Variants in SGCZ observed in about 807,000 individuals in gnomAD.
The protein encoded by SGCZ is zeta-sarcoglycan.
In SGCZ, 40 loss-of-function variants were observed where a neutral mutation model predicts 41.3. That is an observed-to-expected ratio of 0.97 (90% confidence interval 0.75 to 1.26). SGCZ has a LOEUF of 1.26. SGCZ is among the 50% of genes most tolerant of loss of function. The probability of loss-of-function intolerance (pLI) is 0.00; values close to 1 mark genes in which losing one functional copy is unlikely to be tolerated. For synonymous variants in SGCZ, 206 were observed against 137.5 expected, an observed-to-expected ratio of 1.50 and a Z score of -3.49; for missense variants, 552 against 369.8, an observed-to-expected ratio of 1.49 and a Z score of -4.04.
At chr8:15,148,037 T>C (rs1799082925) in intron 1 of SGCZ, among the ~76,000 whole-genome samples, 1 of 147,604 alleles carries the variant, frequency 6.8e-6, no homozygotes, top group Non-Finnish European at 1.5e-5. Context: ...TTCTCTCTTT[T>C]CATTCTCAGA....
At position 15,012,566 on chromosome 8, in the gene SGCZ, T is replaced by C. The variant is rs1404128599; in HGVS notation, c.39+225019A>G. ...AATATGAATATTTATATATAACATA[T>C]AAATATATATTTATATAACATATAA... On this transcript the variant is annotated intron_variant, in intron 1 of 7. Transcript: ENST00000382080. Among the ~76,000 whole-genome samples, 46 of 119,204 alleles carry C rather than the reference T, an allele frequency of 3.9e-4. 2 individuals carry two copies. In the Admixed American group the frequency reaches 4.8e-3, roughly 12 times the overall value. The allele number at this position is 119,204 out of a possible 152,430, so 78.2% of individuals were successfully genotyped here.
chr8:14,852,071 G>C (rs1385514475), intron 1 of SGCZ, among the ~76,000 whole-genome samples: 1 of 151,934 alleles, frequency 6.6e-6, no homozygotes, highest in African/African-American at 2.4e-5. Flanking sequence ...CATTTTTTAA[G>C]TTAGTACACT....
chr8:14,110,587 G>A lies in SGCZ; in HGVS notation c.548-2352C>T, dbSNP rs529887058. ...GGCGAAATTTTAAACTAAATAATAC[G>A]AGTGATTAACAAAATGCAGGCCTCT... On this transcript the variant is annotated intron_variant, in intron 5 of 7. Transcript: ENST00000382080. Among the ~76,000 whole-genome samples, 126 of 152,130 alleles carry A rather than the reference G, an allele frequency of 8.3e-4. 3 individuals are homozygous for A. In the South Asian group the frequency reaches 0.022, roughly 27 times the overall value.
chr8:14,915,699 A>T (rs1375868093), intron 1 of SGCZ, among the ~76,000 whole-genome samples: 1 of 152,122 alleles, frequency 6.6e-6, no homozygotes, highest in African/African-American at 2.4e-5. Flanking sequence ...CCTTCGTAGT[A>T]AATCAAACAC....
At chr8:15,159,731 G>GC (rs1177293742) in intron 1 of SGCZ, among the ~76,000 whole-genome samples, 23 of 8,180 alleles carry the variant, frequency 2.8e-3, no homozygotes, top group South Asian at 0.02. Flanking sequence ...CCTCGCCCCC[G>GC]CCCCCCCCAC....
At chr8:14,551,446 A>ATATATATATAATATATAT (rs1803806420) in intron 2 of SGCZ, among the ~76,000 whole-genome samples, 1 of 23,848 alleles carries the variant, frequency 4.2e-5, no homozygotes, top group African/African-American at 1.4e-4. Flanking sequence ...CAACTATTTC[A>ATATATATATAATATATAT]TATATATATT....
At chr8:14,351,807 T>C (rs759655498) in intron 2 of SGCZ, among the ~76,000 whole-genome samples, 1 of 152,092 alleles carries the variant, frequency 6.6e-6, no homozygotes, top group East Asian at 1.9e-4. Context: ...ATGGGTCTCT[T>C]TTCAGCTTTT....
chr8:14,748,220 G>C (rs1473659711), intron 1 of SGCZ, among the ~76,000 whole-genome samples: 1 of 152,022 alleles, frequency 6.6e-6, no homozygotes, highest in Admixed American at 6.6e-5. Flanking sequence ...ACAACGTTTT[G>C]AGATAGTACT....
intron 1 of SGCZ, among the ~76,000 whole-genome samples, chr8:14,806,446 C>T (rs1393256323): frequency 2.0e-5 from 3 of 151,620 alleles, no homozygotes; most frequent in East Asian, 2.0e-4. Flanking sequence ...GAGAATACTA[C>T]AAACACCTCT....
intron 4 of SGCZ, among the ~76,000 whole-genome samples, chr8:14,196,110 C>T (rs1007920583): frequency 6.6e-6 from 1 of 151,938 alleles, no homozygotes; most frequent in Non-Finnish European, 1.5e-5. Flanking sequence ...TGGATGTACA[C>T]CAGTCTAGGG....
intron 1 of SGCZ, among the ~76,000 whole-genome samples, chr8:15,156,111 T>C (rs1173829454): frequency 6.6e-6 from 1 of 151,132 alleles, no homozygotes; most frequent in African/African-American, 2.4e-5. Flanking sequence ...CTGAAATATT[T>C]AAAGTGATTA....
chr8:15,031,282 G>C lies in SGCZ; in HGVS notation c.39+206303C>G, dbSNP rs1803651874. 4.6e-5 allele frequency among the ~76,000 whole-genome samples: 7 copies of C among 152,246 alleles called. No homozygotes were observed. In the South Asian group the frequency reaches 1.5e-3, roughly 32 times the overall value. On this transcript the variant is annotated intron_variant, in intron 1 of 7. Coordinates refer to ENST00000382080, the MANE Select transcript of SGCZ (RefSeq NM_139167.4). Reference sequence around the variant, plus strand: ...AATTTCTTCTTAGTTATGGGTTGAAGCATTTGGAGGTAAGGATCCTCATGC... The same window carrying C: ...AATTTCTTCTTAGTTATGGGTTGAACCATTTGGAGGTAAGGATCCTCATGC...
intron 1 of SGCZ, among the ~76,000 whole-genome samples, chr8:14,605,211 A>C (rs1324018457): frequency 6.6e-6 from 1 of 152,180 alleles, no homozygotes; most frequent in Non-Finnish European, 1.5e-5. Context: ...ACTCCATTAA[A>C]AATTACGTCT....
chr8:14,409,446 C>T (rs781235912), intron 2 of SGCZ, among the ~76,000 whole-genome samples: 1 of 151,634 alleles, frequency 6.6e-6, no homozygotes, highest in African/African-American at 2.4e-5. Context: ...CTTAGACACT[C>T]AGCGTTTGGT....
intron 1 of SGCZ, among the ~76,000 whole-genome samples, chr8:14,556,417 T>A (rs987810132): frequency 6.6e-6 from 1 of 151,696 alleles, no homozygotes. Flanking sequence ...ATTGACTCAA[T>A]CCTACTGTAG....
rs571184957 is a variant in SGCZ at position 14,536,250 on chromosome 8, C to A, written c.234+18482G>T. Among the ~76,000 whole-genome samples the A allele has an allele frequency of 2.6e-5, 4 of 151,738 alleles. No homozygotes were observed. In the South Asian group the frequency reaches 6.2e-4, roughly 24 times the overall value. ...TCAAATATGGCATAGATAAAAGAAA[C>A]AATTCATTCATGTTGATAAGAAAAT... On this transcript the variant is annotated intron_variant, in intron 2 of 7. Transcript: ENST00000382080.
chr8:14,797,808 T>A (rs1801186561), intron 1 of SGCZ, among the ~76,000 whole-genome samples: 2 of 152,154 alleles, frequency 1.3e-5, no homozygotes. Context: ...GTGCCCTGCA[T>A]CCCAGCTGCC....
intron 6 of SGCZ, among the ~76,000 whole-genome samples, chr8:14,106,459 T>A (rs903212590): frequency 1.8e-4 from 26 of 144,758 alleles, no homozygotes; most frequent in African/African-American, 6.3e-4. Flanking sequence ...GAAGGCCACT[T>A]TTTTTCCTAA....
intron 3 of SGCZ, among the ~76,000 whole-genome samples, chr8:14,276,303 C>G: frequency 6.6e-6 from 1 of 152,156 alleles, no homozygotes; most frequent in African/African-American, 2.4e-5. Flanking sequence ...ATTGAATCAT[C>G]ACGTCACAGC....
Sources: gnomAD v4.1 joint callset for allele counts (sites outside exome capture counted in the v4.1 genomes callset) on GRCh38, gnomAD v4.1.1 for gene constraint, MANE v1.5 for transcripts, NCBI Gene and HGNC (gene_info 2026-07-23, HGNC 2026-07-21) for gene names.